Variants in UFM1 observed in about 807,000 individuals in gnomAD.
UFM1 encodes the protein ubiquitin-fold modifier 1.
UFM1 carries 9 observed loss-of-function variants against 15.4 expected under a neutral mutation model. The ratio of observed to expected loss-of-function variants is 0.59; its 90% CI spans 0.35 to 1.02. The LOEUF is 1.02. Ranked by LOEUF, UFM1 falls within the 50% of genes least tolerant of loss-of-function variation. The pLI is 0.02. For synonymous variants in UFM1, 27 were observed against 36.3 expected (o/e 0.74, Z 0.92); for missense variants, 98 against 104.7 (o/e 0.94, Z 0.28).
At chr13:38,352,549 T>C (rs1417114542) in intron 2 of UFM1, among the ~76,000 whole-genome samples, 2 of 152,234 alleles carry the variant, frequency 1.3e-5, no homozygotes, top group Non-Finnish European at 2.9e-5. Context: ...CTTCAAAAAT[T>C]CTCATTAATG....
chr13:38,354,352 A>T, intron 3 of UFM1, 56 bp downstream of exon 3: 3 of 1,517,620 alleles, frequency 2.0e-6, no homozygotes, highest in Non-Finnish European at 2.7e-6. Context: ...ATATGCTTCA[A>T]ATGTCTTTAA....
rs1307805400 is a variant in UFM1, at chr13:38,363,108, A to G, written c.*2330A>G. 2.0e-5 allele frequency: 3 copies of G among 152,262 alleles called. No individual in the cohort carries two copies. The highest frequency in any genetic ancestry group is 4.4e-5 in the Non-Finnish European group (3 of 68,040). The allele number at this position is 152,262 out of a possible 1,614,324, so 9.4% of individuals were successfully genotyped here. A position where few individuals can be genotyped will look rare whatever the true frequency, so the allele number is the denominator to read the frequency against. On this transcript the variant is annotated 3_prime_UTR_variant, in exon 6 of 6. Coordinates refer to ENST00000239878, the MANE Select transcript of UFM1 (RefSeq NM_016617.4). ...AAAAGGGCAAAGATGATTAATGACC[A>G]TAAGTCAGAGAAATTAGTTTATAGT...
rs916157311 is a variant in UFM1 at position 38,362,844 on chromosome 13, T to C, written c.*2066T>C. 4 of 152,208 alleles carry C rather than the reference T, an allele frequency of 2.6e-5. No homozygotes were observed. The highest frequency in any genetic ancestry group is 9.7e-5 in the African/African-American group (4 of 41,442). 9.4% of individuals were successfully genotyped at this position (152,208 alleles called of 1,614,324 possible). ...ATTCTTTGGTTTTGAACATTGTAAG[T>C]TCCTAAAAACATTTTATTAAACAAG... On this transcript the variant is annotated 3_prime_UTR_variant, in exon 6 of 6. Coordinates refer to ENST00000239878, the MANE Select transcript of UFM1 (RefSeq NM_016617.4).
At chr13:38,353,566 C>A (rs574215990) in intron 2 of UFM1, among the ~76,000 whole-genome samples, 10 of 151,964 alleles carry the variant, frequency 6.6e-5, no homozygotes, top group Admixed American at 2.0e-4. Flanking sequence ...TATTCATGAT[C>A]TTTAAAATAC....
intron 3 of UFM1, chr13:38,354,579 T>C (rs1879011959): frequency 1.0e-5 from 3 of 287,366 alleles, no homozygotes; most frequent in Non-Finnish European, 1.3e-5. Context: ...GATTTTTAAA[T>C]GTTTTTTAAA....
At position 38,362,109 on chromosome 13, in the gene UFM1, T is replaced by G. The variant is rs1879429694; in HGVS notation, c.*1331T>G. ...AATGATTCAGAATCAGTGCTTGACC[T>G]CCTGTATTCTGAATGGTGAACTCTG... On this transcript the variant is annotated 3_prime_UTR_variant, in exon 6 of 6. Coordinates refer to ENST00000239878, the MANE Select transcript of UFM1 (RefSeq NM_016617.4). The G allele has an allele frequency of 6.6e-6, 1 of 152,216 alleles. No homozygotes were observed. 9.4% of individuals were successfully genotyped at this position (152,216 alleles called of 1,614,324 possible). A position where few individuals can be genotyped will look rare whatever the true frequency, so the allele number is the denominator to read the frequency against.
rs1879413298 is a variant in UFM1, at chr13:38,361,954, T to TC, written c.*1177dup. 1 of 152,230 alleles carries TC rather than the reference T, an allele frequency of 6.6e-6. No homozygotes were observed. The highest frequency in any genetic ancestry group is 2.4e-5 in the African/African-American group (1 of 41,454). The allele number at this position is 152,230 out of a possible 1,614,324, so 9.4% of individuals were successfully genotyped here. ...GAAAACAAAGTATCTACTGGCCTTG[T>TC]CAACATACAGACTTCAAAATACCCC... On this transcript the variant is annotated 3_prime_UTR_variant, in exon 6 of 6. Coordinates refer to ENST00000239878, the MANE Select transcript of UFM1 (RefSeq NM_016617.4).
chr13:38,350,404 G>C (rs1185611570), intron 2 of UFM1, among the ~76,000 whole-genome samples: 2 of 152,202 alleles, frequency 1.3e-5, no homozygotes, highest in South Asian at 2.1e-4. Flanking sequence ...CCATCTGCTG[G>C]ATATTAGAAA....
rs1879484620 is a variant in UFM1 at position 38,362,896 on chromosome 13, G to C, written c.*2118G>C. ...AGACATTTTGTTATTAAAAAAATGT[G>C]ATCTGTAATTTCTTTGTGCAGAATG... is the stretch of plus-strand genomic sequence containing the variant. On this transcript the variant is annotated 3_prime_UTR_variant, in exon 6 of 6. Coordinates refer to ENST00000239878, the MANE Select transcript of UFM1 (RefSeq NM_016617.4). 1 of 152,090 alleles carries C rather than the reference G, an allele frequency of 6.6e-6. No individual in the cohort carries two copies. 9.4% of individuals were successfully genotyped at this position (152,090 alleles called of 1,614,324 possible).
intron 2 of UFM1, among the ~76,000 whole-genome samples, chr13:38,352,938 A>G (rs954162457): frequency 2.0e-5 from 3 of 152,220 alleles, no homozygotes; most frequent in African/African-American, 7.2e-5. Flanking sequence ...ATACACTGCA[A>G]AAATACTTTG....
At position 38,360,752 on chromosome 13, in the gene UFM1, C is replaced by G. The variant is rs375957632; in HGVS notation, c.232C>G (p.Pro78Ala). 1.4e-5 allele frequency: 23 copies of G among 1,607,898 alleles called. No individual in the cohort carries two copies. Among genetic ancestry groups the G allele is most frequent in the Non-Finnish European group, 2.0e-5 (23 of 1,177,662 alleles). The change falls in exon 6 of 6, where the codon CCT becomes GCT. Residue 78 changes from proline (P) to alanine (A), a missense_variant. Physicochemically the swap from Pro to Ala is conservative, Grantham distance 27 (BLOSUM62 -1). Coordinates refer to ENST00000239878, the MANE Select transcript of UFM1 (RefSeq NM_016617.4). ...ACATGGTTCAGAACTGCGGATTATT[C>G]CTAGAGATCGTGTTGGAAGTTGTTA... ...LKHGSELRIIPRDRVGSC is the reference protein window; with the variant it reads ...LKHGSELRIIARDRVGSC
At chr13:38,358,335 A>G (rs1235840966) in intron 4 of UFM1, among the ~76,000 whole-genome samples, 1 of 151,800 alleles carries the variant, frequency 6.6e-6, no homozygotes, top group Non-Finnish European at 1.5e-5. Context: ...TTGATATAGT[A>G]TAGCACTTTA....
At position 38,350,012 on chromosome 13, in the gene UFM1, T is replaced by A; in HGVS notation, c.16T>A (p.Phe6Ile). Residue 6 changes from phenylalanine (F) to isoleucine (I), a missense_variant, in exon 2 of 6, where the codon TTT (phenylalanine) becomes ATT (isoleucine). Phe to Ile is a conservative substitution (Grantham distance 21). Transcript: ENST00000239878. Reference sequence around the variant, plus strand: ...TCTTTTCCTCAGGTCGAAGGTTTCCTTTAAGATCACGCTGACGTCGGACCC... The same window carrying A: ...TCTTTTCCTCAGGTCGAAGGTTTCCATTAAGATCACGCTGACGTCGGACCC... The part of the protein sequence containing the change: MSKVS[F>I]KITLTSDPRL... 1 of 1,614,234 alleles carries A rather than the reference T, an allele frequency of 6.2e-7. No homozygotes were observed. Among genetic ancestry groups the A allele is most frequent in the Non-Finnish European group, 8.5e-7 (1 of 1,180,042 alleles).
At chr13:38,350,367 T>C in intron 2 of UFM1, 1 of 914,342 alleles carries the variant, frequency 1.1e-6, no homozygotes, top group Non-Finnish European at 1.7e-6. Flanking sequence ...CAGGTTCTGG[T>C]AATTTGTTGG....
At position 38,360,948 on chromosome 13, in the gene UFM1, G is replaced by C. The variant is rs1315993068; in HGVS notation, c.*170G>C. On this transcript the variant is annotated 3_prime_UTR_variant, in exon 6 of 6. Transcript: ENST00000239878. Reference sequence around the variant, plus strand: ...GTTGTCCATACTCTTCCTATGAAGAGGGAATGCGTATGAATTAAGGCTACT... The same window carrying C: ...GTTGTCCATACTCTTCCTATGAAGACGGAATGCGTATGAATTAAGGCTACT... The C allele has an allele frequency of 1.9e-6, 1 of 522,030 alleles. No individual in the cohort carries two copies. Among genetic ancestry groups the C allele is most frequent in the East Asian group, 3.1e-5 (1 of 31,756 alleles). 32.3% of individuals were successfully genotyped at this position (522,030 alleles called of 1,614,324 possible).
intron 2 of UFM1, 34 bp from the exon 3 acceptor site, chr13:38,354,205 T>G: frequency 1.2e-6 from 2 of 1,601,492 alleles, no homozygotes; most frequent in South Asian, 1.1e-5. Flanking sequence ...AAATGGTGAC[T>G]TTAAAAGAAA....
At position 38,350,130 on chromosome 13, in the gene UFM1, C is replaced by T. The variant is rs766682188; in HGVS notation, c.59+75C>T. 6.2e-7 allele frequency: 1 copy of T among 1,613,966 alleles called. No homozygotes were observed. The highest frequency in any genetic ancestry group is 8.5e-7 in the Non-Finnish European group (1 of 1,179,900). On this transcript the variant is annotated intron_variant, in intron 2 of 5. Transcript: ENST00000239878. The stretch of plus-strand genomic sequence containing the variant: ...TGGGTTGGGGATGATCCGAGCTTTT[C>T]CAACAACTACCCCACGCAGTCTTCA...
At chr13:38,353,894 G>GGAGA (rs1231076604) in intron 2 of UFM1, among the ~76,000 whole-genome samples, 1 of 152,016 alleles carries the variant, frequency 6.6e-6, no homozygotes, top group African/African-American at 2.4e-5. Flanking sequence ...TGAAGACCAA[G>GGAGA]GAGAGCTTCA....
intron 2 of UFM1, 56 bp downstream of exon 2, chr13:38,350,111 G>T: frequency 3.7e-6 from 6 of 1,614,208 alleles, no homozygotes; most frequent in Non-Finnish European, 5.1e-6. Context: ...GGGCTGGGTT[G>T]GGGATGATCC....
Sources: allele counts gnomAD v4.1 joint callset (sites outside exome capture counted in the v4.1 genomes callset), GRCh38; gene constraint gnomAD v4.1.1; transcripts MANE v1.5; gene names NCBI Gene and HGNC (gene_info 2026-07-23, HGNC 2026-07-21).